Variants in SLC22A5 observed in about 807,000 individuals in gnomAD.
SLC22A5 encodes the protein organic cation/carnitine transporter 2.
Under a neutral mutation model 56.7 loss-of-function variants are expected in SLC22A5, and 44 were observed. The ratio of observed to expected loss-of-function variants is 0.78; its 90% confidence interval spans 0.61 to 1.00. The LOEUF (loss-of-function observed/expected upper bound fraction) is 1.00, where lower values mean the gene tolerates loss of function less well. Ranked by LOEUF, SLC22A5 falls within the 50% of genes least tolerant of loss-of-function variation. SLC22A5 has a pLI of 0.00. For synonymous variants in SLC22A5, 278 were observed against 292.1 expected (o/e 0.95, Z 0.49); for missense variants, 675 against 723.0 (o/e 0.93, Z 0.76).
chr5:132,392,322 T>C (rs1752730153), intron 7 of SLC22A5, 111 bp from the exon 8 acceptor site: 1 of 948,382 alleles, frequency 1.1e-6, no homozygotes, highest in African/African-American at 1.6e-5. Flanking sequence ...TAGGAAGTGA[T>C]AGAAACTGAC....
intron 4 of SLC22A5, 150 bp from the exon 5 acceptor site, chr5:132,386,875 G>GATCA: frequency 1.2e-6 from 1 of 846,030 alleles, no homozygotes; most frequent in East Asian, 2.4e-5. Context: ...GCTGCGTGTG[G>GATCA]ATCAGCTCTT....
At position 132,387,082 on chromosome 5, in the gene SLC22A5, G is replaced by C; in HGVS notation, c.882G>C (p.Glu294Asp). 1 of 1,614,166 alleles carries C rather than the reference G, an allele frequency of 6.2e-7. No individual in the cohort carries two copies. The highest frequency in any genetic ancestry group is 8.5e-7 in the Non-Finnish European group (1 of 1,180,002). The change falls in exon 5 of 10, where the codon GAG becomes GAC. Residue 294 changes from glutamate (E) to aspartate (D), a missense_variant. Physicochemically the swap from Glu to Asp is conservative, Grantham distance 45. Transcript: ENST00000245407. ...LISQGRFEEA[E>D]VIIRKAAKAN... is the part of the protein sequence containing the mutation. ...CTCAGGGACGATTTGAAGAGGCAGA[G>C]GTGATCATCCGCAAGGCTGCCAAAG...
chr5:132,380,960 GA>G, intron 2 of SLC22A5: 1 of 151,994 alleles, frequency 6.6e-6, no homozygotes. Context: ...GGAACTGGGG[GA>G]GGATTGTGCT....
At chr5:132,378,200 A>G in intron 1 of SLC22A5, 178 bp from the exon 2 acceptor site, 1 of 1,610,234 alleles carries the variant, frequency 6.2e-7, no homozygotes, top group South Asian at 1.1e-5. Flanking sequence ...GAAAAACAGG[A>G]TGGGAAAGAA....
In SLC22A5 at chr5:132,370,385, G is replaced by A; in HGVS notation, c.393+20G>A. The A allele has an allele frequency of 6.2e-7, 1 of 1,610,556 alleles. No individual in the cohort carries two copies. Among genetic ancestry groups the A allele is most frequent in the South Asian group, 1.1e-5 (1 of 90,496 alleles). On this transcript the variant is annotated intron_variant, in intron 1 of 9. Coordinates refer to ENST00000245407, the MANE Select transcript of SLC22A5 (RefSeq NM_003060.4). ...ACCGAGGTGGGTGCCGGCCCCTGCT[G>A]GGGCTGAGACCAGGGCTCGGAGGAC...
chr5:132,379,173 G>A (rs1186824514), intron 2 of SLC22A5: 2 of 154,142 alleles, frequency 1.3e-5, no homozygotes, highest in African/African-American at 4.8e-5. Context: ...GACTACATGT[G>A]AGCATTTTTT....
At chr5:132,392,720 A>G (rs997090262) in intron 8 of SLC22A5, 105 bp downstream of exon 8, 5 of 950,848 alleles carry the variant, frequency 5.3e-6, no homozygotes, top group South Asian at 2.7e-5. Flanking sequence ...AAGTTCATAC[A>G]GTACATGGGC....
chr5:132,370,460 C>A (rs1751866106), intron 1 of SLC22A5, 95 bp downstream of exon 1: 1 of 1,335,562 alleles, frequency 7.5e-7, no homozygotes. Context: ...GCGCACTGGA[C>A]GCTGTCACTC....
Position 132,394,152 on chromosome 5 carries a change from G to A in SLC22A5, c.1587-33G>A, listed in dbSNP as rs745538917. The A allele has an allele frequency of 1.2e-5, 16 of 1,372,388 alleles. No individual in the cohort carries two copies. In the African/African-American group the frequency reaches 2.0e-4, roughly 17 times the overall value. 85.0% of individuals were successfully genotyped at this position (1,372,388 alleles called of 1,614,324 possible). A position where few individuals can be genotyped will look rare whatever the true frequency, so the allele number is the denominator to read the frequency against. On this transcript the variant is annotated intron_variant, in intron 9 of 9. Transcript: ENST00000245407. The stretch of plus-strand genomic sequence containing the variant: ...AGACTGGGAGGCATCTTTTTAAAAT[G>A]TGTTACTGACATATTTTTGCTTGTT...
At position 132,395,312 on chromosome 5, in the gene SLC22A5, G is replaced by C. The variant is rs1752839447; in HGVS notation, c.*1040G>C. The C allele has an allele frequency of 6.7e-6, 1 of 150,296 alleles. No homozygotes were observed. The highest frequency in any genetic ancestry group is 2.1e-4 in the South Asian group (1 of 4,802). The allele number at this position is 150,296 out of a possible 1,614,324, so 9.3% of individuals were successfully genotyped here. ...CCTAGCCTCTAGCACTTCTCTAAGT[G>C]CCAAAAACAGTGTCATTGTGTGTGT... is the stretch of plus-strand genomic sequence containing the variant. On this transcript the variant is annotated 3_prime_UTR_variant, in exon 10 of 10. Transcript: ENST00000245407.
intron 1 of SLC22A5, chr5:132,377,550 T>C (rs558806544): frequency 2.6e-5 from 4 of 152,566 alleles, no homozygotes; most frequent in African/African-American, 7.2e-5. Context: ...GATCCAAGCG[T>C]CTGGCTGCTT....
At chr5:132,377,540 G>T (rs1752187062) in intron 1 of SLC22A5, 2 of 152,432 alleles carry the variant, frequency 1.3e-5, no homozygotes, top group Non-Finnish European at 2.9e-5. Context: ...GGCGCAGCCA[G>T]ATCCAAGCGT....
At position 132,394,170 on chromosome 5, in the gene SLC22A5, T is replaced by A. The variant is rs762259659; in HGVS notation, c.1587-15T>A. On this transcript the variant is annotated splice_polypyrimidine_tract_variant and intron_variant, in intron 9 of 9. Coordinates refer to ENST00000245407, the MANE Select transcript of SLC22A5 (RefSeq NM_003060.4). ...TTAAAATGTGTTACTGACATATTTT[T>A]GCTTGTTTTTATAGAATGAAACACA... 3.1e-5 allele frequency: 48 copies of A among 1,561,794 alleles called. 1 individual carries two copies. The Admixed American group carries it at 8.0e-4, about 26-fold the overall frequency.
chr5:132,393,701 C>T lies in SLC22A5; in HGVS notation c.1476C>T (p.Tyr492=). ...YLGAYDRFLP[Y]ILMGSLTILT... is the part of the protein sequence containing the mutation. ...GTGCCTACGACCGCTTCCTGCCCTA[C>T]ATTCTCATGGGAAGTCTGACCATCC... Residue 492 remains tyrosine, a synonymous_variant, in exon 9 of 10, where the codon TAC becomes TAT. Coordinates refer to ENST00000245407, the MANE Select transcript of SLC22A5 (RefSeq NM_003060.4). 1 of 1,614,222 alleles carries T rather than the reference C, an allele frequency of 6.2e-7. No homozygotes were observed. Among genetic ancestry groups the T allele is most frequent in the Non-Finnish European group, 8.5e-7 (1 of 1,180,026 alleles).
At chr5:132,377,962 C>T in intron 1 of SLC22A5, 2 of 764,676 alleles carry the variant, frequency 2.6e-6, no homozygotes, top group Non-Finnish European at 4.1e-6. Flanking sequence ...CCGTAGAGCC[C>T]CAGAGCCCTG....
In SLC22A5 at chr5:132,394,167, T is replaced by G; in HGVS notation, c.1587-18T>G. ...TTTTTAAAATGTGTTACTGACATAT[T>G]TTTGCTTGTTTTTATAGAATGAAAC... On this transcript the variant is annotated intron_variant, in intron 9 of 9. Coordinates refer to ENST00000245407, the MANE Select transcript of SLC22A5 (RefSeq NM_003060.4). 3.2e-6 allele frequency: 5 copies of G among 1,549,272 alleles called. No individual in the cohort carries two copies. Among genetic ancestry groups the G allele is most frequent in the Admixed American group, 1.7e-5 (1 of 59,942 alleles).
intron 6 of SLC22A5, chr5:132,389,670 G>A (rs1423428946): frequency 6.3e-6 from 1 of 158,672 alleles, no homozygotes; most frequent in East Asian, 1.8e-4. Flanking sequence ...GTGAGAAGAT[G>A]GGCGAGGAGG....
chr5:132,387,209 A>C, intron 5 of SLC22A5, 58 bp downstream of exon 5: 2 of 1,608,516 alleles, frequency 1.2e-6, no homozygotes, highest in South Asian at 2.2e-5. Context: ...TGAGAGCAGC[A>C]GCACCCAGCC....
rs2126791630 is a variant in SLC22A5, at chr5:132,392,597, C to T, written c.1432C>T (p.Pro478Ser). The T allele has an allele frequency of 6.2e-7, 1 of 1,614,100 alleles. No individual in the cohort carries two copies. Among genetic ancestry groups the T allele is most frequent in the Non-Finnish European group, 8.5e-7 (1 of 1,180,028 alleles). The change falls in exon 8 of 10, where the codon CCC (proline) becomes TCC (serine). Residue 478 changes from proline (P) to serine (S), a missense_variant. Transcript: ENST00000245407. ...TASRLGSILS[P>S]YFVYLGAYDR... ...ATCCCGCCTGGGCAGCATCCTGTCTCCCTACTTCGTTTACCTTGGTAAGTC... is the reference window on the plus strand; with the variant it reads ...ATCCCGCCTGGGCAGCATCCTGTCTTCCTACTTCGTTTACCTTGGTAAGTC...
Sources: allele counts gnomAD v4.1 joint callset, GRCh38; gene constraint gnomAD v4.1.1; transcripts MANE v1.5; gene names NCBI Gene and HGNC (gene_info 2026-07-23, HGNC 2026-07-21).